The following CEP15 variants were observed in gnomAD, a reference collection of about 807,000 sequenced individuals.
The protein encoded by CEP15 is centrosomal protein 15.
the CEP15 span, among the ~76,000 whole-genome samples, chr3:62,324,541 A>G: frequency 6.6e-6 from 1 of 152,204 alleles, no homozygotes. Flanking sequence ...GTTAAAATAG[A>G]TAGAGGTGGA....
At chr3:62,322,014 T>C in the CEP15 span, 1 of 1,609,604 alleles carries the variant, frequency 6.2e-7, no homozygotes, top group Non-Finnish European at 8.5e-7. This position sits in a 1 kb window ranked among gnomAD's most constrained non-coding sequence, Gnocchi z 5.5. Flanking sequence ...AACTCCAAAC[T>C]GTTGAGACTG....
At chr3:62,334,345 C>A in the CEP15 span, 1 of 151,870 alleles carries the variant, frequency 6.6e-6, no homozygotes, top group African/African-American at 2.4e-5. This position sits in a 1 kb window ranked among gnomAD's most constrained non-coding sequence, Gnocchi z 4.9. Context: ...TTTTAAATTT[C>A]AAACTGGTTT....
the CEP15 span, among the ~76,000 whole-genome samples, chr3:62,331,010 T>C: frequency 6.6e-6 from 1 of 152,140 alleles, no homozygotes; most frequent in African/African-American, 2.4e-5. Context: ...AGAGCTAAAT[T>C]AATGCACTGA....
the CEP15 span, chr3:62,320,413 G>A: frequency 7.2e-7 from 1 of 1,384,098 alleles, no homozygotes; most frequent in African/African-American, 1.4e-5. Flanking sequence ...GCAAAGCTGA[G>A]GACATGTGGT....
the CEP15 span, among the ~76,000 whole-genome samples, chr3:62,327,985 T>C: frequency 2.8e-4 from 42 of 152,318 alleles, no homozygotes; most frequent in South Asian, 2.1e-4. Flanking sequence ...CAGTCTTTGA[T>C]AGTTTCTTTT....
chr3:62,331,531 T>C, the CEP15 span: 4 of 729,936 alleles, frequency 5.5e-6, no homozygotes, highest in African/African-American at 5.3e-5. Flanking sequence ...ATATGCCTGT[T>C]TGAGCTTTTT....
chr3:62,326,990 C>T, the CEP15 span, among the ~76,000 whole-genome samples: 5 of 152,204 alleles, frequency 3.3e-5, no homozygotes, highest in African/African-American at 1.2e-4. Flanking sequence ...AATCTGTAGG[C>T]ATGTTTACAT....
At chr3:62,333,277 A>G in the CEP15 span, 2 of 1,610,332 alleles carry the variant, frequency 1.2e-6, no homozygotes, top group Non-Finnish European at 1.7e-6. This position sits in a 1 kb window ranked among gnomAD's most constrained non-coding sequence, Gnocchi z 4.0. Flanking sequence ...GCATCAGTAG[A>G]AGAATATATT....
At chr3:62,332,506 G>A in the CEP15 span, among the ~76,000 whole-genome samples, 1 of 152,040 alleles carries the variant, frequency 6.6e-6, no homozygotes, top group Non-Finnish European at 1.5e-5. Flanking sequence ...GCTTTGGGCA[G>A]TTTAGTTCTC....
At chr3:62,325,553 G>A in the CEP15 span, among the ~76,000 whole-genome samples, 1 of 152,144 alleles carries the variant, frequency 6.6e-6, no homozygotes, top group Non-Finnish European at 1.5e-5. Flanking sequence ...TGAAAACACA[G>A]GGTGGGTGAT....
the CEP15 span, among the ~76,000 whole-genome samples, chr3:62,326,910 A>G: frequency 2.0e-5 from 3 of 152,240 alleles, no homozygotes; most frequent in Non-Finnish European, 2.9e-5. Context: ...GCAAAATCAC[A>G]ATACTATTAT....
chr3:62,327,655 C>G, the CEP15 span, among the ~76,000 whole-genome samples: 1 of 152,190 alleles, frequency 6.6e-6, no homozygotes, highest in East Asian at 1.9e-4. Context: ...TTTATTCCTT[C>G]TCTTTCAATA....
chr3:62,322,056 A>G, the CEP15 span: 1 of 1,601,786 alleles, frequency 6.2e-7, no homozygotes, highest in Non-Finnish European at 8.5e-7. The surrounding 1 kb of genome is among the most constrained non-coding windows in gnomAD (Gnocchi z 5.5). Flanking sequence ...TTTTAAAGGT[A>G]AGTTTCCATG....
chr3:62,327,152 T>C, the CEP15 span, among the ~76,000 whole-genome samples: 1 of 152,232 alleles, frequency 6.6e-6, no homozygotes, highest in African/African-American at 2.4e-5. Context: ...TATTGCTAAT[T>C]ACATCTCTGA....
the CEP15 span, among the ~76,000 whole-genome samples, chr3:62,332,160 A>G: frequency 2.0e-5 from 3 of 152,122 alleles, no homozygotes; most frequent in Non-Finnish European, 2.9e-5. Flanking sequence ...TGATTCTCCT[A>G]TACCTTACTC....
the CEP15 span, among the ~76,000 whole-genome samples, chr3:62,330,335 T>TATCA: frequency 1.3e-5 from 2 of 152,170 alleles, no homozygotes; most frequent in African/African-American, 4.8e-5. Context: ...TTCTCTTTTC[T>TATCA]ATCAACTCAC....
chr3:62,321,321 A>G, the CEP15 span, among the ~76,000 whole-genome samples: 1 of 152,220 alleles, frequency 6.6e-6, no homozygotes, highest in South Asian at 2.1e-4. This position sits in a 1 kb window ranked among gnomAD's most constrained non-coding sequence, Gnocchi z 4.1. Flanking sequence ...AATTTTTTAC[A>G]TCTTTCTTCA....
At chr3:62,323,558 A>G in the CEP15 span, among the ~76,000 whole-genome samples, 1 of 152,240 alleles carries the variant, frequency 6.6e-6, no homozygotes, top group Non-Finnish European at 1.5e-5. Flanking sequence ...AAAATGACTA[A>G]GCAAAAGGAA....
the CEP15 span, chr3:62,319,433 T>C: frequency 6.6e-6 from 1 of 152,082 alleles, no homozygotes; most frequent in East Asian, 1.9e-4. Flanking sequence ...ATATCTGTAA[T>C]TTAGACCCCG....
Sources: allele counts gnomAD v4.1 joint callset (sites outside exome capture counted in the v4.1 genomes callset), GRCh38; gene constraint gnomAD v4.1.1; non-coding constraint Gnocchi (gnomAD v3.1); transcripts MANE v1.5; gene names NCBI Gene and HGNC (gene_info 2026-07-23, HGNC 2026-07-21).